Variants in CTNNA2 observed in about 807,000 individuals in gnomAD.
The protein encoded by CTNNA2 is catenin alpha 2, also known as catenin alpha-2.
In CTNNA2, 42 loss-of-function variants were observed where a neutral mutation model predicts 101.0. The ratio of observed to expected loss-of-function variants is 0.42; its 90% confidence interval spans 0.32 to 0.54. The LOEUF (loss-of-function observed/expected upper bound fraction) is 0.54. Ranked by LOEUF, CTNNA2 falls within the 20% of genes least tolerant of loss-of-function variation. The probability of loss-of-function intolerance (pLI) is 0.14; values close to 1 mark genes in which losing one functional copy is unlikely to be tolerated. For synonymous variants in CTNNA2, 450 were observed against 456.4 expected (o/e 0.99, Z 0.18); for missense variants, 871 against 1,223.1 (o/e 0.71, Z 4.29).
chr2:80,546,067 A>G lies in CTNNA2; in HGVS notation c.1540+4A>G. 1 of 1,613,670 alleles carries G rather than the reference A, an allele frequency of 6.2e-7. No individual in the cohort carries two copies. Among genetic ancestry groups the G allele is most frequent in the Non-Finnish European group, 8.5e-7 (1 of 1,179,892 alleles). On this transcript the variant is annotated splice_donor_region_variant and intron_variant, in intron 11 of 18. Coordinates refer to ENST00000402739, the MANE Select transcript of CTNNA2 (RefSeq NM_001282597.3). ...GATGACTTCCTCTCTGTCTCAGGTA[A>G]TCATCACAAACAGGTCCCTTACAAG...
chr2:79,879,084 C>G (rs1683235019), intron 6 of CTNNA2, among the ~76,000 whole-genome samples: 2 of 152,118 alleles, frequency 1.3e-5, no homozygotes, highest in South Asian at 4.1e-4. Context: ...GAGATTATTT[C>G]CCCATTGCTT....
intron 9 of CTNNA2, among the ~76,000 whole-genome samples, chr2:80,489,505 A>G (rs1034734386): frequency 6.6e-6 from 1 of 152,318 alleles, no homozygotes; most frequent in African/African-American, 2.4e-5. Flanking sequence ...TATTAGCCTC[A>G]GGTTGCTGGA....
intron 3 of CTNNA2, among the ~76,000 whole-genome samples, chr2:79,361,957 A>G (rs557158648): frequency 3.4e-4 from 52 of 152,304 alleles, no homozygotes; most frequent in Non-Finnish European, 6.9e-4. Context: ...TCCTTTGGCA[A>G]CACCCTCACA....
At chr2:80,499,002 AGT>A (rs1687670832) in intron 9 of CTNNA2, among the ~76,000 whole-genome samples, 2 of 152,208 alleles carry the variant, frequency 1.3e-5, no homozygotes, top group Admixed American at 1.3e-4. Flanking sequence ...TCAAGCAGTA[AGT>A]AACGTGATTT....
intron 7 of CTNNA2, among the ~76,000 whole-genome samples, chr2:80,112,117 A>G (rs1701251167): frequency 6.6e-6 from 1 of 152,162 alleles, no homozygotes; most frequent in East Asian, 1.9e-4. Context: ...AAATAATAAT[A>G]AGGATTTAAA....
chr2:80,253,445 T>C (rs1013793244), intron 7 of CTNNA2, among the ~76,000 whole-genome samples: 5 of 152,150 alleles, frequency 3.3e-5, no homozygotes, highest in African/African-American at 1.2e-4. Flanking sequence ...TTTGAACCTT[T>C]GTGGTGGAGC....
chr2:79,636,126 C>G (rs1264667193), intron 1 of CTNNA2, among the ~76,000 whole-genome samples: 2 of 149,258 alleles, frequency 1.3e-5, no homozygotes, highest in South Asian at 4.3e-4. Context: ...AAAAATTAGC[C>G]GGGCGTGGTG....
At chr2:80,387,656 C>A (rs1677140762) in intron 7 of CTNNA2, among the ~76,000 whole-genome samples, 1 of 152,166 alleles carries the variant, frequency 6.6e-6, no homozygotes, top group South Asian at 2.1e-4. Flanking sequence ...ATATAAAGGT[C>A]TTCAAGGTAG....
chr2:80,135,854 C>T (rs1280816305), intron 7 of CTNNA2, among the ~76,000 whole-genome samples: 2 of 152,100 alleles, frequency 1.3e-5, no homozygotes, highest in African/African-American at 2.4e-5. Context: ...CTTGAAATTG[C>T]ACTCCTTTTC....
At chr2:80,523,360 A>G (rs1428448965) in intron 9 of CTNNA2, among the ~76,000 whole-genome samples, 2 of 152,154 alleles carry the variant, frequency 1.3e-5, no homozygotes, top group Admixed American at 1.3e-4. Flanking sequence ...AAAGATGTCT[A>G]TGAGCTGTAA....
intron 7 of CTNNA2, among the ~76,000 whole-genome samples, chr2:79,918,538 G>C (rs1686421402): frequency 6.6e-6 from 1 of 152,178 alleles, no homozygotes; most frequent in South Asian, 2.1e-4. Context: ...ATGGGAATGT[G>C]TGCTGTCTTG....
chr2:80,110,443 C>A (rs1701144970), intron 7 of CTNNA2, among the ~76,000 whole-genome samples: 1 of 152,214 alleles, frequency 6.6e-6, no homozygotes, highest in Non-Finnish European at 1.5e-5. Flanking sequence ...AGTCCACATT[C>A]TTTGCCTCAT....
chr2:80,169,055 T>G (rs78797705), intron 7 of CTNNA2, among the ~76,000 whole-genome samples: 1 of 152,220 alleles, frequency 6.6e-6, no homozygotes, highest in East Asian at 1.9e-4. Context: ...GGGCCTGACC[T>G]TGGGAGCCCA....
intron 6 of CTNNA2, among the ~76,000 whole-genome samples, chr2:79,885,457 TATG>T (rs1683786840): frequency 1.3e-5 from 2 of 152,204 alleles, no homozygotes; most frequent in Non-Finnish European, 2.9e-5. Context: ...TTTATTGACT[TATG>T]ATTTCTTCAA....
intron 7 of CTNNA2, among the ~76,000 whole-genome samples, chr2:80,347,467 G>A (rs892205553): frequency 6.6e-6 from 1 of 152,156 alleles, no homozygotes; most frequent in Admixed American, 6.5e-5. Context: ...GTCATCACCA[G>A]GGGAGAGGAG....
At chr2:79,730,606 G>A (rs961985536) in intron 2 of CTNNA2, among the ~76,000 whole-genome samples, 2 of 151,922 alleles carry the variant, frequency 1.3e-5, no homozygotes, top group African/African-American at 2.4e-5. Context: ...ATTAATTCCA[G>A]CTATTAATTT....
intron 13 of CTNNA2, among the ~76,000 whole-genome samples, chr2:80,578,269 T>C (rs1211463988): frequency 1.3e-5 from 2 of 151,698 alleles, no homozygotes; most frequent in Non-Finnish European, 2.9e-5. Flanking sequence ...GAGTAGACTT[T>C]AAATAGTTTC....
chr2:79,792,630 G>A (rs1477440617), intron 3 of CTNNA2, among the ~76,000 whole-genome samples: 1 of 152,030 alleles, frequency 6.6e-6, no homozygotes, highest in Non-Finnish European at 1.5e-5. Flanking sequence ...AATTAAGCTT[G>A]TGAAGTTTGG....
Position 79,224,399 on chromosome 2 carries a change from A to G in CTNNA2, c.-406+26323A>G, listed in dbSNP as rs576355765. On this transcript the variant is annotated intron_variant, in intron 2 of 21. Coordinates refer to the CTNNA2 transcript ENST00000466387. ...GAAGGAATTTTACCATGAACATTCA[A>G]ATATCTATCACCCAGGTTCCACAAT... Among the ~76,000 whole-genome samples the G allele has an allele frequency of 3.9e-5, 6 of 152,302 alleles. No homozygotes were observed. The South Asian group carries it at 1.2e-3, about 32-fold the overall frequency.
Sources: allele counts gnomAD v4.1 joint callset (sites outside exome capture counted in the v4.1 genomes callset), GRCh38; gene constraint gnomAD v4.1.1; transcripts MANE v1.5; gene names NCBI Gene and HGNC (gene_info 2026-07-23, HGNC 2026-07-21).